PHC3: variants seen among roughly 807,000 people sequenced by gnomAD.
The protein encoded by PHC3 is polyhomeotic-like protein 3.
Under a neutral mutation model 107.4 loss-of-function variants are expected in PHC3, and 13 were observed. That is an observed-to-expected ratio of 0.12 (90% CI 0.08 to 0.19). PHC3 has a LOEUF of 0.19. PHC3 is among the 10% of genes least tolerant of loss of function. The pLI is 1.00. For synonymous variants in PHC3, 456 were observed against 427.4 expected, an observed-to-expected ratio of 1.07 and a Z score of -0.83; for missense variants, 992 against 1,210.9, an observed-to-expected ratio of 0.82 and a Z score of 2.68.
rs779032433 is a variant in PHC3, at chr3:170,128,990, G to A, written c.1482C>T (p.Val494=). ...SALVSPGQQI[V]SPSHQQYSSL... ...ATGAATATTGCTGGTGTGATGGAGA[G>A]ACAATCTGCTGGCCTGGGGATACCA... Residue 494 remains valine (V), a synonymous_variant, in exon 8 of 15, where the codon GTC becomes GTT. Transcript: ENST00000495893. 1.9e-6 allele frequency: 3 copies of A among 1,613,962 alleles called. No individual in the cohort carries two copies. The African/African-American group carries it at 4.0e-5, about 22-fold the overall frequency.
chr3:170,102,849 G>C lies in PHC3; in HGVS notation c.2554C>G (p.Arg852Gly). 6.2e-7 allele frequency: 1 copy of C among 1,613,874 alleles called. No homozygotes were observed. Among genetic ancestry groups the C allele is most frequent in the Non-Finnish European group, 8.5e-7 (1 of 1,179,826 alleles). The stretch of plus-strand genomic sequence containing the variant: ...GCTGCCCCATCAGGGCCACTTGGAC[G>C]ACGGCCACGATGCCCAAGACTTTGA... ...DNQSLGHRGR[R>G]PSGPDGAARE... is the part of the protein sequence containing the mutation. The change falls in exon 13 of 15, where the codon CGT becomes GGT. Residue 852 changes from arginine (R) to glycine (G), a missense_variant. By Grantham distance (125) the Arg-to-Gly change is moderately radical. This residue lies in a region of PHC3 where 228 missense variants were observed against 288.8 expected (regional missense o/e 0.79). Transcript: ENST00000495893.
At chr3:170,128,313 C>G (rs762849687) in intron 8 of PHC3, 1 of 1,221,552 alleles carries the variant, frequency 8.2e-7, no homozygotes, top group East Asian at 5.7e-5. Context: ...TACAAGCCAA[C>G]AGAAGGGATC....
At chr3:170,101,038 G>A (rs986457742) in intron 14 of PHC3, among the ~76,000 whole-genome samples, 2 of 152,092 alleles carry the variant, frequency 1.3e-5, no homozygotes, top group African/African-American at 4.8e-5. Flanking sequence ...AGCTATACTG[G>A]TCTAAAAACT....
In PHC3 at chr3:170,181,733, T is replaced by C; in HGVS notation, c.-18A>G. On this transcript the variant is annotated 5_prime_UTR_variant, in exon 1 of 15. Transcript: ENST00000495893. Reference sequence around the variant, plus strand: ...TCCGCCATCTTCTCTCCTCCATCACTAACATGGGCTGCGCATGCGCCCCCC... The same window carrying C: ...TCCGCCATCTTCTCTCCTCCATCACCAACATGGGCTGCGCATGCGCCCCCC... 3 of 1,611,962 alleles carry C rather than the reference T, an allele frequency of 1.9e-6. No homozygotes were observed. Among genetic ancestry groups the C allele is most frequent in the South Asian group, 1.1e-5 (1 of 91,066 alleles).
intron 8 of PHC3, among the ~76,000 whole-genome samples, chr3:170,124,183 A>G (rs1720897370): frequency 6.6e-6 from 1 of 152,040 alleles, no homozygotes; most frequent in Non-Finnish European, 1.5e-5. Flanking sequence ...TTCAAAGAAC[A>G]CTTCTAGAGG....
At chr3:170,181,675 G>A (rs754257587) in intron 1 of PHC3, 27 bp downstream of exon 1, 16 of 1,613,158 alleles carry the variant, frequency 9.9e-6, no homozygotes, top group East Asian at 4.5e-5. Flanking sequence ...CCCTAGTTAC[G>A]ACATCAGTCA....
rs1714260338 is a variant in PHC3, at chr3:170,092,949, T to C, written c.*4281A>G. ...CTGGCATCTAACAAAACGCATTATT[T>C]TGAACTATGGATGAAAGCCATATCT... On this transcript the variant is annotated 3_prime_UTR_variant, in exon 15 of 15. Transcript: ENST00000495893. The C allele has an allele frequency of 6.6e-6, 1 of 152,188 alleles. No homozygotes were observed. Among genetic ancestry groups the C allele is most frequent in the Non-Finnish European group, 1.5e-5 (1 of 68,032 alleles). 9.4% of individuals were successfully genotyped at this position (152,188 alleles called of 1,614,324 possible). A position where few individuals can be genotyped will look rare whatever the true frequency, so the allele number is the denominator to read the frequency against.
At chr3:170,109,245 C>T (rs1424280083) in intron 11 of PHC3, among the ~76,000 whole-genome samples, 6 of 152,074 alleles carry the variant, frequency 3.9e-5, no homozygotes, top group South Asian at 4.1e-4. Context: ...CAAAACCCTA[C>T]GAACATGGCC....
At position 170,159,542 on chromosome 3, in the gene PHC3, G is replaced by C. The variant is rs115167184; in HGVS notation, c.415-10298C>G. 2.6e-3 allele frequency among the ~76,000 whole-genome samples: 399 copies of C among 151,938 alleles called. 2 individuals are homozygous for C. Among genetic ancestry groups the C allele is most frequent in the African/African-American group, 9.2e-3 (383 of 41,442 alleles). ...AACATTCAACCAAGAGCTCCAGAAAGAGAAAACAGAAAATTAATTTCTCGT... is the reference window on the plus strand; with the variant it reads ...AACATTCAACCAAGAGCTCCAGAAACAGAAAACAGAAAATTAATTTCTCGT... On this transcript the variant is annotated intron_variant, in intron 4 of 14. Transcript: ENST00000495893.
chr3:170,140,730 G>A lies in PHC3; in HGVS notation c.673-4065C>T, dbSNP rs185013383. Reference sequence around the variant, plus strand: ...TGCCTCAGCCTTGCAAGTTAGCCAGGCTGTTTACAGATACCCACCACCACA... The same window carrying A: ...TGCCTCAGCCTTGCAAGTTAGCCAGACTGTTTACAGATACCCACCACCACA... On this transcript the variant is annotated intron_variant, in intron 6 of 14. Coordinates refer to ENST00000495893, the MANE Select transcript of PHC3 (RefSeq NM_024947.4). Among the ~76,000 whole-genome samples, 918 of 150,346 alleles carry A rather than the reference G, an allele frequency of 6.1e-3. 3 individuals are homozygous for A. The highest frequency in any genetic ancestry group is 0.031 in the Middle Eastern group (9 of 290).
intron 9 of PHC3, among the ~76,000 whole-genome samples, chr3:170,121,626 G>A (rs1365557834): frequency 1.3e-5 from 2 of 152,082 alleles, no homozygotes; most frequent in Non-Finnish European, 2.9e-5. Flanking sequence ...AGCCTCTGAC[G>A]AAGCTGGGAC....
intron 4 of PHC3, among the ~76,000 whole-genome samples, chr3:170,161,683 C>A (rs978543997): frequency 3.9e-5 from 6 of 152,288 alleles, no homozygotes; most frequent in African/African-American, 1.4e-4. Context: ...ACTTAAACAA[C>A]AGAAATTTAT....
chr3:170,114,492 G>C (rs1448063693), intron 10 of PHC3, among the ~76,000 whole-genome samples: 1 of 152,092 alleles, frequency 6.6e-6, no homozygotes, highest in Non-Finnish European at 1.5e-5. Context: ...AAAATGTTTA[G>C]GTGATTTGTT....
Position 170,090,417 on chromosome 3 carries a change from AAT to A in PHC3, c.*6811_*6812del, listed in dbSNP as rs575914983. On this transcript the variant is annotated 3_prime_UTR_variant, in exon 15 of 15. Coordinates refer to ENST00000495893, the MANE Select transcript of PHC3 (RefSeq NM_024947.4). Reference sequence around the variant, plus strand: ...CAAACACTGCACATGTAAGTGTTCAAATAGTTTGCTAAATGAATTTAAGTACA... The same window carrying A: ...CAAACACTGCACATGTAAGTGTTCAAAGTTTGCTAAATGAATTTAAGTACA... 5.7e-3 allele frequency: 864 copies of A among 152,314 alleles called. 11 individuals carry two copies. The highest frequency in any genetic ancestry group is 0.02 in the African/African-American group (830 of 41,566). 9.4% of individuals were successfully genotyped at this position (152,314 alleles called of 1,614,324 possible). A position where few individuals can be genotyped will look rare whatever the true frequency, so the allele number is the denominator to read the frequency against.
chr3:170,181,323 G>T (rs954772971), intron 1 of PHC3, among the ~76,000 whole-genome samples: 1 of 152,126 alleles, frequency 6.6e-6, no homozygotes, highest in South Asian at 2.1e-4. Flanking sequence ...AGCCTCCGCG[G>T]GCCCCTGCGC....
intron 4 of PHC3, among the ~76,000 whole-genome samples, chr3:170,161,212 C>T (rs1727837275): frequency 6.6e-6 from 1 of 152,150 alleles, no homozygotes; most frequent in Admixed American, 6.6e-5. Flanking sequence ...TATTAATAAA[C>T]ACAGTCTTAT....
At chr3:170,119,921 T>C (rs917415724) in intron 9 of PHC3, among the ~76,000 whole-genome samples, 8 of 152,134 alleles carry the variant, frequency 5.3e-5, no homozygotes, top group Non-Finnish European at 1.2e-4. Flanking sequence ...AAGATGCAAG[T>C]CTACATTGTA....
chr3:170,150,341 A>G (rs552815020), intron 4 of PHC3, among the ~76,000 whole-genome samples: 2 of 152,258 alleles, frequency 1.3e-5, no homozygotes, highest in Admixed American at 1.3e-4. Context: ...AAAATCCTGA[A>G]TATCAGCTAC....
chr3:170,142,329 A>G (rs1337351020), intron 6 of PHC3, among the ~76,000 whole-genome samples: 1 of 152,204 alleles, frequency 6.6e-6, no homozygotes, highest in Non-Finnish European at 1.5e-5. Context: ...ATTTGAACTC[A>G]GAGATTCCGG....
Sources: allele counts gnomAD v4.1 joint callset (sites outside exome capture counted in the v4.1 genomes callset), GRCh38; gene constraint gnomAD v4.1.1; regional missense constraint gnomAD v4.1.1; transcripts MANE v1.5; gene names NCBI Gene and HGNC (gene_info 2026-07-23, HGNC 2026-07-21).